Variants in KIAA1217 observed in about 807,000 individuals in gnomAD.
The protein encoded by KIAA1217 is KIAA1217, also known as sickle tail protein homolog.
A neutral mutation model predicts 163.9 loss-of-function variants in KIAA1217; 88 were observed. The ratio of observed to expected loss-of-function variants is 0.54; its 90% CI spans 0.45 to 0.64. The LOEUF (loss-of-function observed/expected upper bound fraction) is 0.64. KIAA1217 is among the 30% of genes least tolerant of loss of function. The probability of loss-of-function intolerance (pLI) is 0.00; values close to 1 mark genes in which losing one functional copy is unlikely to be tolerated. For missense variants in KIAA1217, 2,372 were observed against 2,475.0 expected, an observed-to-expected ratio of 0.96 and a Z score of 0.88; for synonymous variants, 903 against 923.1, an observed-to-expected ratio of 0.98 and a Z score of 0.39.
intron 2 of KIAA1217, among the ~76,000 whole-genome samples, chr10:24,081,784 T>C (rs11013887): frequency 0.048 from 7,317 of 152,260 alleles, 604 homozygotes; most frequent in African/African-American, 0.17. Flanking sequence ...TTCGAAGCTG[T>C]CCTGGGCCAC....
chr10:24,039,797 G>GATAGATATAGATATAGATATAGAT (rs71923161), intron 2 of KIAA1217, among the ~76,000 whole-genome samples: 4 of 147,524 alleles, frequency 2.7e-5, no homozygotes, highest in African/African-American at 1.0e-4. Context: ...TATAGATATA[G>GATAGATATAGATATAGATATAGAT]ATAGATATAG....
intron 1 of KIAA1217, among the ~76,000 whole-genome samples, chr10:23,759,243 G>T (rs556126533): frequency 6.6e-6 from 1 of 152,042 alleles, no homozygotes. Context: ...AAAAATGCAA[G>T]TGTTTTTTGT....
At position 24,520,172 on chromosome 10, in the gene KIAA1217, A is replaced by G; in HGVS notation, c.2227A>G (p.Ser743Gly). 1 of 1,614,148 alleles carries G rather than the reference A, an allele frequency of 6.2e-7. No individual in the cohort carries two copies. The highest frequency in any genetic ancestry group is 8.5e-7 in the Non-Finnish European group (1 of 1,180,016). Residue 743 changes from serine to glycine, a missense_variant, in exon 11 of 21, where the codon AGC (serine) becomes GGC (glycine). This residue lies in a region of KIAA1217 where 1,431 missense variants were observed against 1,470.3 expected (regional missense o/e 0.97). Transcript: ENST00000376454. ...EDLKKDSTAA[S>G]RLVTLKDVED... ...CTTGAAGAAGGACTCCACGGCAGCCAGCCGATTGGTTACTCTGAAAGACGT... is the reference window on the plus strand; with the variant it reads ...CTTGAAGAAGGACTCCACGGCAGCCGGCCGATTGGTTACTCTGAAAGACGT...
intron 1 of KIAA1217, among the ~76,000 whole-genome samples, chr10:23,910,723 A>T (rs1564526279): frequency 6.6e-6 from 1 of 152,148 alleles, no homozygotes; most frequent in Non-Finnish European, 1.5e-5. Context: ...CATCCATTCG[A>T]CTGTTATGAA....
At chr10:23,916,865 GGGAGGC>G (rs1564530742) in intron 1 of KIAA1217, among the ~76,000 whole-genome samples, 1 of 151,338 alleles carries the variant, frequency 6.6e-6, no homozygotes, top group East Asian at 1.9e-4. Flanking sequence ...CCAGCTACAC[GGGAGGC>G]TGAGGCAGGA....
chr10:23,738,359 T>C (rs1419387839), intron 1 of KIAA1217, among the ~76,000 whole-genome samples: 4 of 152,218 alleles, frequency 2.6e-5, no homozygotes, highest in African/African-American at 9.6e-5. Flanking sequence ...TGTTCTTGCA[T>C]TGGGCAGTTT....
intron 6 of KIAA1217, among the ~76,000 whole-genome samples, chr10:24,475,503 A>T (rs1337234511): frequency 6.6e-6 from 1 of 152,244 alleles, no homozygotes; most frequent in African/African-American, 2.4e-5. Flanking sequence ...GGAGACAGAA[A>T]GAGAAAGAAC....
intron 10 of KIAA1217, among the ~76,000 whole-genome samples, chr10:24,519,000 T>C (rs2070658821): frequency 3.3e-5 from 5 of 152,234 alleles, no homozygotes; most frequent in Admixed American, 3.3e-4. Flanking sequence ...TGAACACATG[T>C]GGCATCCTGC....
At chr10:23,890,774 T>C (rs75943412) in intron 1 of KIAA1217, among the ~76,000 whole-genome samples, 1,614 of 152,144 alleles carry the variant, frequency 0.011, 28 homozygotes, top group African/African-American at 0.037. Context: ...TGGTGAATAG[T>C]CTTTTTCAGA....
chr10:23,798,660 AGAAAG>A (rs979590736), intron 1 of KIAA1217, among the ~76,000 whole-genome samples: 1 of 152,186 alleles, frequency 6.6e-6, no homozygotes, highest in Non-Finnish European at 1.5e-5. Context: ...AAACTAGAAA[AGAAAG>A]GAAAGATTTT....
chr10:23,982,529 T>TTCTCTCTCTCTCTCTCTCTCTC (rs59075123), intron 1 of KIAA1217, among the ~76,000 whole-genome samples: 2 of 73,568 alleles, frequency 2.7e-5, no homozygotes, highest in African/African-American at 1.0e-4. Context: ...TGTTTTTTGT[T>TTCTCTCTCTCTCTCTCTCTCTC]TCTCTCTCTC....
At chr10:24,210,084 C>G (rs981154594) in intron 1 of KIAA1217, among the ~76,000 whole-genome samples, 4 of 152,024 alleles carry the variant, frequency 2.6e-5, no homozygotes, top group African/African-American at 9.7e-5. Context: ...ACCACCCGCC[C>G]CACCCTCCCT....
At chr10:23,871,514 T>C (rs1840454515) in intron 1 of KIAA1217, among the ~76,000 whole-genome samples, 1 of 152,032 alleles carries the variant, frequency 6.6e-6, no homozygotes, top group African/African-American at 2.4e-5. Flanking sequence ...ACTGGGATCT[T>C]GCTCTTCATC....
intron 2 of KIAA1217, among the ~76,000 whole-genome samples, chr10:24,336,805 T>C (rs1048871162): frequency 1.3e-5 from 2 of 152,190 alleles, no homozygotes; most frequent in Non-Finnish European, 2.9e-5. Flanking sequence ...GATCATTCCA[T>C]TGGGAAAGGA....
At chr10:24,025,099 T>C (rs1174686585) in intron 2 of KIAA1217, among the ~76,000 whole-genome samples, 1 of 151,772 alleles carries the variant, frequency 6.6e-6, no homozygotes, top group Non-Finnish European at 1.5e-5. Flanking sequence ...TAACCTAAAG[T>C]CACAAAATAT....
chr10:24,202,818 C>T (rs977700483), intron 2 of KIAA1217, among the ~76,000 whole-genome samples: 2 of 152,192 alleles, frequency 1.3e-5, no homozygotes, highest in African/African-American at 4.8e-5. Context: ...CTGCATGATG[C>T]CTTAGGGCTC....
intron 1 of KIAA1217, among the ~76,000 whole-genome samples, chr10:23,810,334 A>T (rs553961344): frequency 0.012 from 1,763 of 145,088 alleles, 38 homozygotes; most frequent in African/African-American, 0.042. Context: ...ATATACACAC[A>T]CTATATATAC....
chr10:24,131,199 G>A (rs1337804048), intron 2 of KIAA1217, among the ~76,000 whole-genome samples: 1 of 152,110 alleles, frequency 6.6e-6, no homozygotes. Context: ...TTCAGACCTA[G>A]GATTTTACAT....
intron 2 of KIAA1217, among the ~76,000 whole-genome samples, chr10:24,276,066 A>G (rs1175087610): frequency 6.6e-6 from 1 of 152,232 alleles, no homozygotes; most frequent in Non-Finnish European, 1.5e-5. Context: ...AATTTAATTC[A>G]TAAATTCAGC....
Sources: allele counts gnomAD v4.1 joint callset (sites outside exome capture counted in the v4.1 genomes callset), GRCh38; gene constraint gnomAD v4.1.1; regional missense constraint gnomAD v4.1.1; transcripts MANE v1.5; gene names NCBI Gene and HGNC (gene_info 2026-07-23, HGNC 2026-07-21).